SLC4A4: variants seen among roughly 807,000 people sequenced by gnomAD.
The protein encoded by SLC4A4 is electrogenic sodium bicarbonate cotransporter 1.
Under a neutral mutation model 111.5 loss-of-function variants are expected in SLC4A4, and 27 were observed. That is an observed-to-expected ratio of 0.24 (90% CI 0.18 to 0.33). SLC4A4 has a LOEUF of 0.33. Among genes scored for constraint, SLC4A4 ranks in the 10% least tolerant of loss-of-function variants. The pLI is 1.00. For missense variants in SLC4A4, 909 were observed against 1,315.5 expected (o/e 0.69, Z 4.78); for synonymous variants, 443 against 463.4 (o/e 0.96, Z 0.57).
At chr4:71,237,585 C>A (rs192055444) in intron 2 of SLC4A4, among the ~76,000 whole-genome samples, 50 of 152,184 alleles carry the variant, frequency 3.3e-4, no homozygotes, top group African/African-American at 1.1e-3. Flanking sequence ...AAACTTGAAC[C>A]AGAAGGTGGT....
chr4:71,341,536 A>C (rs1284174933), intron 4 of SLC4A4, among the ~76,000 whole-genome samples: 3 of 152,144 alleles, frequency 2.0e-5, no homozygotes, highest in Admixed American at 6.5e-5. Context: ...TTATGGATGA[A>C]GAGTCTTTTA....
chr4:71,262,437 T>C, intron 3 of SLC4A4, among the ~76,000 whole-genome samples: 1 of 152,192 alleles, frequency 6.6e-6, no homozygotes, highest in East Asian at 1.9e-4. Flanking sequence ...TTACTTGACT[T>C]TTCATCACTT....
chr4:71,380,808 C>T (rs1294574451), intron 6 of SLC4A4, among the ~76,000 whole-genome samples: 3 of 152,166 alleles, frequency 2.0e-5, no homozygotes, highest in Non-Finnish European at 4.4e-5. Flanking sequence ...CCCTCTGCTT[C>T]TTGTTCTCTC....
intron 3 of SLC4A4, among the ~76,000 whole-genome samples, chr4:71,314,255 A>G (rs1381765155): frequency 4.6e-5 from 7 of 152,178 alleles, no homozygotes; most frequent in Non-Finnish European, 5.9e-5. Context: ...GGTGATCACT[A>G]AAAAGTCTGG....
chr4:71,480,844 T>C (rs1331029648), intron 14 of SLC4A4, among the ~76,000 whole-genome samples: 1 of 151,720 alleles, frequency 6.6e-6, no homozygotes, highest in Non-Finnish European at 1.5e-5. Flanking sequence ...TTAAGCACCA[T>C]CCAAATGCCA....
intron 1 of SLC4A4, among the ~76,000 whole-genome samples, chr4:71,074,556 C>T (rs1260574032): frequency 2.7e-5 from 4 of 146,814 alleles, no homozygotes; most frequent in African/African-American, 5.1e-5. Context: ...ATGTCTAGGA[C>T]GTAGCCATGA....
chr4:71,367,682 A>G (rs1025257570), intron 6 of SLC4A4, among the ~76,000 whole-genome samples: 4 of 152,226 alleles, frequency 2.6e-5, no homozygotes, highest in Non-Finnish European at 5.9e-5. Flanking sequence ...AACTTCAATT[A>G]TGGGAAACAA....
intron 4 of SLC4A4, among the ~76,000 whole-genome samples, chr4:71,344,670 A>C (rs1729174554): frequency 6.6e-6 from 1 of 152,166 alleles, no homozygotes; most frequent in Admixed American, 6.6e-5. Context: ...CACAGAACTC[A>C]ATATCATCCT....
At chr4:71,490,218 C>T (rs1030585529) in intron 15 of SLC4A4, among the ~76,000 whole-genome samples, 2 of 151,794 alleles carry the variant, frequency 1.3e-5, no homozygotes, top group African/African-American at 2.4e-5. Flanking sequence ...TACCTGTTGG[C>T]TTGCAGTTTC....
Position 71,447,724 on chromosome 4 carries a change from G to A in SLC4A4, c.1044G>A (p.Met348Ile). 1 of 1,604,244 alleles carries A rather than the reference G, an allele frequency of 6.2e-7. No individual in the cohort carries two copies. The highest frequency in any genetic ancestry group is 1.7e-5 in the Admixed American group (1 of 59,936). The change falls in exon 9 of 26, where the codon ATG becomes ATA. Residue 348 changes from methionine to isoleucine, a missense_variant. Physicochemically the swap from Met to Ile is conservative, Grantham distance 10. This residue lies in a region of SLC4A4 where 312 missense variants were observed against 402.0 expected (regional missense o/e 0.78). Transcript: ENST00000264485. Reference sequence around the variant, plus strand: ...TTGGCAGAGCCATTGCCACCCTGATGTCTGATGAGGTAGGAAATCAGGAAG... The same window carrying A: ...TTGGCAGAGCCATTGCCACCCTGATATCTGATGAGGTAGGAAATCAGGAAG... The part of the protein sequence containing the change: ...HEIGRAIATL[M>I]SDEVFHDIAY...
intron 20 of SLC4A4, among the ~76,000 whole-genome samples, chr4:71,548,752 A>G (rs1201571426): frequency 2.0e-5 from 3 of 151,908 alleles, no homozygotes; most frequent in Non-Finnish European, 2.9e-5. Context: ...AAGAATTCAA[A>G]CAATATAGAA....
At chr4:71,306,909 G>A (rs184269835) in intron 3 of SLC4A4, among the ~76,000 whole-genome samples, 13 of 152,262 alleles carry the variant, frequency 8.5e-5, no homozygotes, top group Admixed American at 5.2e-4. Flanking sequence ...AATGTCATAA[G>A]GAGCTCACAT....
intron 3 of SLC4A4, among the ~76,000 whole-genome samples, chr4:71,268,081 T>TTG (rs1553970769): frequency 2.7e-5 from 4 of 146,472 alleles, no homozygotes; most frequent in African/African-American, 7.5e-5. Context: ...TAGTGTTTTT[T>TTG]TTTTTTTTTT....
chr4:71,131,144 G>A (rs1254647404), intron 2 of SLC4A4, among the ~76,000 whole-genome samples: 2 of 152,228 alleles, frequency 1.3e-5, no homozygotes, highest in Non-Finnish European at 2.9e-5. Context: ...AACAACGGCG[G>A]ATGGGAGAGT....
chr4:71,530,247 G>C (rs2149207053), intron 16 of SLC4A4, among the ~76,000 whole-genome samples: 1 of 152,162 alleles, frequency 6.6e-6, no homozygotes, highest in East Asian at 1.9e-4. Context: ...TCTAGAACTT[G>C]AAATAACAAT....
intron 12 of SLC4A4, among the ~76,000 whole-genome samples, chr4:71,456,706 A>G (rs1220809348): frequency 2.0e-5 from 3 of 152,184 alleles, no homozygotes; most frequent in Non-Finnish European, 4.4e-5. Context: ...CAAAATAGAC[A>G]GGAATTCCAA....
intron 3 of SLC4A4, among the ~76,000 whole-genome samples, chr4:71,300,034 T>G (rs549773702): frequency 6.6e-5 from 10 of 152,338 alleles, no homozygotes; most frequent in Non-Finnish European, 1.5e-4. Context: ...GGCAGGAGGA[T>G]GTTAAGAATT....
intron 1 of SLC4A4, among the ~76,000 whole-genome samples, chr4:71,200,636 A>G (rs932277955): frequency 7.9e-5 from 12 of 152,184 alleles, no homozygotes; most frequent in Admixed American, 1.3e-4. Flanking sequence ...GGAAAGTGGC[A>G]TTATTGACTG....
intron 1 of SLC4A4, among the ~76,000 whole-genome samples, chr4:71,221,322 T>A (rs1718731909): frequency 6.6e-6 from 1 of 152,182 alleles, no homozygotes; most frequent in Non-Finnish European, 1.5e-5. Flanking sequence ...AAGGACAGTG[T>A]TTTTAAATTG....
Sources: allele counts gnomAD v4.1 joint callset (sites outside exome capture counted in the v4.1 genomes callset), GRCh38; gene constraint gnomAD v4.1.1; regional missense constraint gnomAD v4.1.1; transcripts MANE v1.5; gene names NCBI Gene and HGNC (gene_info 2026-07-23, HGNC 2026-07-21).